ASTN1: variants seen among roughly 807,000 people sequenced by gnomAD.
ASTN1 encodes the protein astrotactin-1.
Under a neutral mutation model 140.7 loss-of-function variants are expected in ASTN1, and 41 were observed. The ratio of observed to expected loss-of-function variants is 0.29; its 90% CI spans 0.23 to 0.38. The LOEUF is 0.38. Among genes scored for constraint, ASTN1 ranks in the 10% least tolerant of loss-of-function variants. ASTN1 has a pLI of 1.00. For synonymous variants in ASTN1, 640 were observed against 652.2 expected, an observed-to-expected ratio of 0.98 and a Z score of 0.29; for missense variants, 1,479 against 1,678.8, an observed-to-expected ratio of 0.88 and a Z score of 2.08.
At chr1:177,074,272 C>A (rs1192075172) in intron 1 of ASTN1, among the ~76,000 whole-genome samples, 1 of 152,176 alleles carries the variant, frequency 6.6e-6, no homozygotes, top group East Asian at 1.9e-4. Context: ...ATTGACTTGA[C>A]TTTTTAGTAT....
chr1:177,036,762 T>A (rs1286932867), intron 2 of ASTN1, among the ~76,000 whole-genome samples: 1 of 152,190 alleles, frequency 6.6e-6, no homozygotes, highest in African/African-American at 2.4e-5. Context: ...TGGCTCACAT[T>A]CAGTTACTGT....
At chr1:176,882,325 ATCTT>A (rs1668837840) in intron 20 of ASTN1, among the ~76,000 whole-genome samples, 2 of 152,330 alleles carry the variant, frequency 1.3e-5, no homozygotes, top group South Asian at 4.1e-4. Flanking sequence ...ATAGCATTCT[ATCTT>A]TCCAGTCTCA....
intron 1 of ASTN1, among the ~76,000 whole-genome samples, chr1:177,107,298 T>G (rs1206911872): frequency 6.6e-6 from 1 of 151,992 alleles, no homozygotes; most frequent in African/African-American, 2.4e-5. Flanking sequence ...TACAATACAC[T>G]CCATTCTTAA....
rs1676013054 is a variant in ASTN1, at chr1:177,024,699, G to T, written c.1154C>A (p.Thr385Asn). The change falls in exon 6 of 23, where the codon ACC (threonine) becomes AAC (asparagine). Residue 385 changes from threonine (T) to asparagine (N), a missense_variant. This residue lies in a region of ASTN1 where 729 missense variants were observed against 860.4 expected (regional missense o/e 0.85). Coordinates refer to ENST00000361833, the MANE Select transcript of ASTN1 (RefSeq NM_004319.3). ...GCTGGTGATGCTGATCAGGGTCAAG[G>T]TGGTCTTATTCACAGGACTTCGGGG... ...GSPRSPVNKT[T>N]LTLISITSCV... The T allele has an allele frequency of 1.9e-6, 3 of 1,614,008 alleles. No homozygotes were observed. The highest frequency in any genetic ancestry group is 2.7e-5 in the African/African-American group (2 of 74,920).
intron 1 of ASTN1, among the ~76,000 whole-genome samples, chr1:177,088,378 A>G (rs1679578648): frequency 6.6e-6 from 1 of 152,134 alleles, no homozygotes; most frequent in African/African-American, 2.4e-5. Flanking sequence ...AAAAGGGGAA[A>G]TCGAGGCAGT....
At chr1:177,142,207 T>C (rs747475272) in intron 1 of ASTN1, among the ~76,000 whole-genome samples, 1 of 152,144 alleles carries the variant, frequency 6.6e-6, no homozygotes, top group Non-Finnish European at 1.5e-5. Context: ...TAATTACACA[T>C]TGTCAGCAAA....
chr1:176,966,810 A>T (rs1305603034), intron 8 of ASTN1, among the ~76,000 whole-genome samples: 1 of 151,974 alleles, frequency 6.6e-6, no homozygotes, highest in Non-Finnish European at 1.5e-5. Context: ...TAATTAGCAT[A>T]GGAAGATATA....
intron 2 of ASTN1, among the ~76,000 whole-genome samples, chr1:177,039,032 T>G (rs1209826848): frequency 2.6e-5 from 4 of 152,180 alleles, no homozygotes; most frequent in African/African-American, 9.7e-5. Context: ...TCTGGATCTA[T>G]TAAATGTCAC....
At chr1:177,149,260 ATATATATAC>A (rs1469600479) in intron 1 of ASTN1, among the ~76,000 whole-genome samples, 53 of 97,092 alleles carry the variant, frequency 5.5e-4, no homozygotes, top group Middle Eastern at 0.014. Flanking sequence ...TATAGTAAAT[ATATATATAC>A]TATATATAGT....
At chr1:177,121,789 G>A (rs1001430494) in intron 1 of ASTN1, among the ~76,000 whole-genome samples, 3 of 152,104 alleles carry the variant, frequency 2.0e-5, no homozygotes, top group African/African-American at 7.2e-5. Context: ...TCCCTGCCAA[G>A]AGTCTAGGTT....
intron 1 of ASTN1, among the ~76,000 whole-genome samples, chr1:177,101,577 A>T (rs1258410947): frequency 6.6e-6 from 1 of 152,162 alleles, no homozygotes; most frequent in Non-Finnish European, 1.5e-5. Flanking sequence ...CACAGGGAGG[A>T]CAGGGGTGGC....
chr1:177,084,151 A>G (rs970471800), intron 1 of ASTN1, among the ~76,000 whole-genome samples: 25 of 152,154 alleles, frequency 1.6e-4, no homozygotes, highest in Non-Finnish European at 8.8e-5. Context: ...GCTCCCTACT[A>G]AGTAGGAGTT....
chr1:176,921,065 A>C (rs1486543134), intron 16 of ASTN1, among the ~76,000 whole-genome samples: 1 of 152,164 alleles, frequency 6.6e-6, no homozygotes, highest in African/African-American at 2.4e-5. Context: ...GGGACCTTTG[A>C]CTAGTGTAGC....
At chr1:176,877,723 C>T (rs764275996) in intron 20 of ASTN1, among the ~76,000 whole-genome samples, 8 of 152,124 alleles carry the variant, frequency 5.3e-5, no homozygotes, top group Non-Finnish European at 1.2e-4. Flanking sequence ...TCATTAATGT[C>T]GCCTTTCTTG....
intron 16 of ASTN1, among the ~76,000 whole-genome samples, chr1:176,930,032 G>T (rs913993986): frequency 6.6e-6 from 1 of 152,134 alleles, no homozygotes; most frequent in East Asian, 1.9e-4. Flanking sequence ...ATAACAGATG[G>T]TGAGTTGTAG....
chr1:177,062,847 T>C (rs1336580806), intron 1 of ASTN1, among the ~76,000 whole-genome samples: 1 of 152,182 alleles, frequency 6.6e-6, no homozygotes, highest in Non-Finnish European at 1.5e-5. Context: ...GGCACTCAGA[T>C]ACTAATCTAA....
intron 2 of ASTN1, among the ~76,000 whole-genome samples, chr1:177,057,897 G>A (rs948820317): frequency 7.2e-5 from 11 of 152,262 alleles, no homozygotes; most frequent in African/African-American, 1.4e-4. Context: ...TTCCTCCAAA[G>A]GGTATGGTAT....
At position 176,925,812 on chromosome 1, in the gene ASTN1, CT is replaced by C. The variant is rs10658674; in HGVS notation, c.2671+8339del. ...GTTCATCTCAGTAGGTAAAGGCATT[CT>C]TTTTTTTTTTTTTGAGGAGTCTCGC... On this transcript the variant is annotated intron_variant, in intron 16 of 22. Coordinates refer to ENST00000361833, the MANE Select transcript of ASTN1 (RefSeq NM_004319.3). 2.3e-3 allele frequency among the ~76,000 whole-genome samples: 332 copies of C among 142,458 alleles called. 1 individual carries two copies. Among genetic ancestry groups the C allele is most frequent in the African/African-American group, 6.6e-3 (255 of 38,802 alleles). 93.5% of individuals were successfully genotyped at this position (142,458 alleles called of 152,430 possible). A position where few individuals can be genotyped will look rare whatever the true frequency, so the allele number is the denominator to read the frequency against.
chr1:177,046,554 T>C (rs1677234325), intron 2 of ASTN1, among the ~76,000 whole-genome samples: 2 of 152,194 alleles, frequency 1.3e-5, no homozygotes, highest in Admixed American at 1.3e-4. Flanking sequence ...CAGAACACCA[T>C]GTGGTCCCAT....
Sources: allele counts gnomAD v4.1 joint callset (sites outside exome capture counted in the v4.1 genomes callset), GRCh38; gene constraint gnomAD v4.1.1; regional missense constraint gnomAD v4.1.1; transcripts MANE v1.5; gene names NCBI Gene and HGNC (gene_info 2026-07-23, HGNC 2026-07-21).